Variants in SPON1 observed in about 807,000 individuals in gnomAD.
The protein encoded by SPON1 is spondin 1, also known as spondin-1.
Under a neutral mutation model 111.7 loss-of-function variants are expected in SPON1, and 52 were observed. The observed-to-expected ratio is 0.47, with a 90% CI of 0.37 to 0.59. The LOEUF (loss-of-function observed/expected upper bound fraction) is 0.59, where lower values mean the gene tolerates loss of function less well. SPON1 is among the 20% of genes least tolerant of loss of function. The pLI, the probability that SPON1 is intolerant of heterozygous loss-of-function variation, is 0.00. For synonymous variants in SPON1, 410 were observed against 395.8 expected (o/e 1.04, Z -0.43); for missense variants, 957 against 1,068.5 (o/e 0.90, Z 1.46).
At chr11:14,159,611 T>A (rs1259524812) in intron 6 of SPON1, among the ~76,000 whole-genome samples, 2 of 152,068 alleles carry the variant, frequency 1.3e-5, no homozygotes, top group East Asian at 3.9e-4. Context: ...CTGTTCACAA[T>A]AGCCGCAATT....
intron 6 of SPON1, among the ~76,000 whole-genome samples, chr11:14,186,803 A>G (rs1203209272): frequency 6.6e-6 from 1 of 152,226 alleles, no homozygotes; most frequent in Non-Finnish European, 1.5e-5. Context: ...GCTAACACTA[A>G]GCCAGATCTT....
At chr11:14,038,040 C>G (rs782186732) in intron 2 of SPON1, among the ~76,000 whole-genome samples, 1 of 151,076 alleles carries the variant, frequency 6.6e-6, no homozygotes, top group Admixed American at 6.6e-5. Flanking sequence ...GTGGCACACA[C>G]CTGTAATCCC....
chr11:14,221,800 C>T (rs894014351), intron 6 of SPON1, among the ~76,000 whole-genome samples: 15 of 152,310 alleles, frequency 9.8e-5, no homozygotes, highest in Admixed American at 9.1e-4. Flanking sequence ...AGGTCAGGCT[C>T]CACCTCATTC....
intron 2 of SPON1, among the ~76,000 whole-genome samples, chr11:14,022,509 G>A (rs1423850254): frequency 1.1e-4 from 16 of 152,132 alleles, no homozygotes; most frequent in African/African-American, 3.9e-4. Flanking sequence ...AATATGACCG[G>A]GTGGAATATT....
intron 6 of SPON1, among the ~76,000 whole-genome samples, chr11:14,165,124 C>T (rs1297727775): frequency 6.6e-6 from 1 of 152,164 alleles, no homozygotes; most frequent in Non-Finnish European, 1.5e-5. Flanking sequence ...AGGGCTGTTA[C>T]CATCTTCCTT....
intron 6 of SPON1, among the ~76,000 whole-genome samples, chr11:14,185,003 A>G (rs6486177): frequency 0.84 from 128,324 of 152,222 alleles, 54,291 homozygotes; most frequent in African/African-American, 0.92. Context: ...AGTCCACACT[A>G]CCCCATCTCC....
intron 2 of SPON1, among the ~76,000 whole-genome samples, chr11:14,012,161 G>A (rs1848410439): frequency 6.6e-6 from 1 of 152,100 alleles, no homozygotes; most frequent in Non-Finnish European, 1.5e-5. Context: ...TACCAGTTGG[G>A]ACTTGCTGGC....
chr11:14,162,526 C>T (rs1053867977), intron 6 of SPON1, among the ~76,000 whole-genome samples: 2 of 152,206 alleles, frequency 1.3e-5, no homozygotes, highest in Admixed American at 6.5e-5. Flanking sequence ...CTTAAAGATA[C>T]TTGCAGAACC....
At chr11:13,999,242 A>G (rs7943225) in intron 2 of SPON1, among the ~76,000 whole-genome samples, 2,604 of 152,260 alleles carry the variant, frequency 0.017, 56 homozygotes, top group African/African-American at 0.058. Flanking sequence ...TATATAAATG[A>G]CACTGTCGTG....
Position 14,266,092 on chromosome 11 carries a change from C to G in SPON1, c.*405C>G, listed in dbSNP as rs373446230. 6.1e-6 allele frequency: 1 copy of G among 163,558 alleles called. No individual in the cohort carries two copies. The highest frequency in any genetic ancestry group is 2.4e-5 in the African/African-American group (1 of 41,742). 10.1% of individuals were successfully genotyped at this position (163,558 alleles called of 1,614,324 possible). ...ATTCACAGATGAAGACAGCAGATTC[C>G]CCACATTCTCATCTTTGGCCTGTTC... On this transcript the variant is annotated 3_prime_UTR_variant, in exon 16 of 16. Coordinates refer to ENST00000576479, the MANE Select transcript of SPON1 (RefSeq NM_006108.4).
Position 14,135,595 on chromosome 11 carries a change from C to G in SPON1, c.825+27C>G, listed in dbSNP as rs782692044. 12 of 1,606,620 alleles carry G rather than the reference C, an allele frequency of 7.5e-6. No homozygotes were observed. The highest frequency in any genetic ancestry group is 1.0e-5 in the Non-Finnish European group (12 of 1,174,358). ...TAAGACAAAAAAATCACAGAATGAC[C>G]AAATAACAGAAATGCAGTCAAAGCA... On this transcript the variant is annotated intron_variant, in intron 6 of 15. Coordinates refer to ENST00000576479, the MANE Select transcript of SPON1 (RefSeq NM_006108.4). The surrounding 1 kb of genome is among the most constrained non-coding windows in gnomAD (Gnocchi z 4.4).
At chr11:13,969,819 A>G (rs1554908401) in intron 1 of SPON1, among the ~76,000 whole-genome samples, 1 of 152,264 alleles carries the variant, frequency 6.6e-6, no homozygotes, top group African/African-American at 2.4e-5. Flanking sequence ...GGCATGTATC[A>G]ATAAGTCTAG....
intron 7 of SPON1, 43 bp from the exon 8 acceptor site, chr11:14,254,485 C>A: frequency 6.6e-7 from 1 of 1,518,304 alleles, no homozygotes; most frequent in Non-Finnish European, 8.9e-7. Flanking sequence ...TGAGGACCAA[C>A]CCCCAGAACT....
At position 14,146,150 on chromosome 11, in the gene SPON1, C is replaced by CT. The variant is rs10674430; in HGVS notation, c.825+10599dup. ...TTTACCATGAACACAAATTACTATA[C>CT]TTTTTTTTTTTTTTTTTGAGACAGA... is the stretch of plus-strand genomic sequence containing the variant. On this transcript the variant is annotated intron_variant, in intron 6 of 15. Coordinates refer to ENST00000576479, the MANE Select transcript of SPON1 (RefSeq NM_006108.4). 1.4e-3 allele frequency among the ~76,000 whole-genome samples: 189 copies of CT among 130,940 alleles called. 2 individuals carry two copies. In the Middle Eastern group the frequency reaches 0.016, roughly 11 times the overall value. The allele number at this position is 130,940 out of a possible 152,430, so 85.9% of individuals were successfully genotyped here. A position where few individuals can be genotyped will look rare whatever the true frequency, so the allele number is the denominator to read the frequency against.
At chr11:14,055,789 C>A (rs1848740816) in intron 3 of SPON1, among the ~76,000 whole-genome samples, 1 of 152,224 alleles carries the variant, frequency 6.6e-6, no homozygotes, top group African/African-American at 2.4e-5. Context: ...GGGGAGTGCC[C>A]CAAAGTCCTC....
intron 2 of SPON1, among the ~76,000 whole-genome samples, chr11:13,987,909 A>G (rs955423959): frequency 6.6e-6 from 1 of 152,182 alleles, no homozygotes; most frequent in Non-Finnish European, 1.5e-5. Context: ...CCATTGGTCT[A>G]TATATCTGTT....
At chr11:14,264,294 G>C (rs992430871) in intron 15 of SPON1, among the ~76,000 whole-genome samples, 5 of 152,160 alleles carry the variant, frequency 3.3e-5, no homozygotes, top group Non-Finnish European at 7.4e-5. Context: ...TATCAGACCT[G>C]TGTTGACTGA....
In SPON1 at chr11:14,135,405, G is replaced by T; in HGVS notation, c.677-15G>T. On this transcript the variant is annotated splice_polypyrimidine_tract_variant and intron_variant, in intron 5 of 15. Coordinates refer to ENST00000576479, the MANE Select transcript of SPON1 (RefSeq NM_006108.4). The surrounding 1 kb of genome is among the most constrained non-coding windows in gnomAD (Gnocchi z 4.4). ...ACAGCCATGCTGATAACTGCCTCCT[G>T]ATTGGCTTTCCCAGGTCGGGCCAAC... 1.2e-6 allele frequency: 2 copies of T among 1,601,852 alleles called. No individual in the cohort carries two copies. The highest frequency in any genetic ancestry group is 1.7e-6 in the Non-Finnish European group (2 of 1,170,542).
At chr11:13,983,048 C>G in intron 2 of SPON1, 95 bp downstream of exon 2, 1 of 803,844 alleles carries the variant, frequency 1.2e-6, no homozygotes, top group Non-Finnish European at 2.0e-6. Context: ...CCCATGCAGT[C>G]CCTTGACCGT....
Sources: gnomAD v4.1 joint callset for allele counts (sites outside exome capture counted in the v4.1 genomes callset) on GRCh38, gnomAD v4.1.1 for gene constraint, Gnocchi (gnomAD v3.1) non-coding constraint, MANE v1.5 for transcripts, NCBI Gene and HGNC (gene_info 2026-07-23, HGNC 2026-07-21) for gene names.